The following RSPH14 variants were observed in gnomAD, a reference collection of about 807,000 sequenced individuals.
RSPH14 encodes radial spoke head 14 homolog.
Under a neutral mutation model 26.7 loss-of-function variants are expected in RSPH14, and 20 were observed. The ratio of observed to expected loss-of-function variants is 0.75; its 90% CI spans 0.53 to 1.09. RSPH14 has a LOEUF of 1.09. Among genes scored for constraint, RSPH14 ranks in the 50% least tolerant of loss-of-function variants. RSPH14 has a pLI of 0.00. For synonymous variants in RSPH14, 177 were observed against 189.3 expected (o/e 0.93, Z 0.53); for missense variants, 449 against 457.2 (o/e 0.98, Z 0.16).
At chr22:23,098,826 G>T (rs902299633) in intron 4 of RSPH14, among the ~76,000 whole-genome samples, 3 of 152,366 alleles carry the variant, frequency 2.0e-5, no homozygotes, top group Admixed American at 6.5e-5. Context: ...GGCCCCCAGA[G>T]TGGTGCCGGC....
chr22:23,149,253 T>C (rs1303476451), upstream of RSPH14, among the ~76,000 whole-genome samples: 1 of 152,138 alleles, frequency 6.6e-6, no homozygotes, highest in African/African-American at 2.4e-5. Flanking sequence ...ACAGCCTCAA[T>C]GGTGTCCTTC....
At chr22:23,172,212 C>T in the RSPH14 span, among the ~76,000 whole-genome samples, 28 of 152,084 alleles carry the variant, frequency 1.8e-4, no homozygotes, top group Non-Finnish European at 3.2e-4. Context: ...TTTCAGACAG[C>T]GTCTGGTTCT....
intron 4 of RSPH14, among the ~76,000 whole-genome samples, chr22:23,118,738 A>G (rs917028858): frequency 6.6e-6 from 1 of 152,198 alleles, no homozygotes; most frequent in African/African-American, 2.4e-5. Context: ...CAAGGGGGTG[A>G]TGCACTACCA....
At chr22:23,133,579 T>C (rs2146437863) in intron 4 of RSPH14, among the ~76,000 whole-genome samples, 1 of 152,228 alleles carries the variant, frequency 6.6e-6, no homozygotes, top group East Asian at 1.9e-4. Context: ...GATATGCGCT[T>C]TTCTTTTTTC....
chr22:23,175,862 G>A, the RSPH14 span, among the ~76,000 whole-genome samples: 194 of 152,348 alleles, frequency 1.3e-3, 1 homozygote, highest in Middle Eastern at 3.4e-3. Context: ...TGAGGGAACA[G>A]CAGCTATCAG....
intron 4 of RSPH14, among the ~76,000 whole-genome samples, chr22:23,109,929 C>T (rs57656066): frequency 0.018 from 2,696 of 152,298 alleles, 81 homozygotes; most frequent in African/African-American, 0.06. Context: ...GTGCTGTCCC[C>T]GCAGACTGGC....
the RSPH14 span, chr22:23,153,258 G>C: frequency 1.0e-4 from 75 of 751,054 alleles, no homozygotes; most frequent in African/African-American, 1.3e-3. Flanking sequence ...GAGCCTGGGG[G>C]TGTTGTGTGA....
At chr22:23,095,757 G>T in intron 4 of RSPH14, 1 of 1,612,712 alleles carries the variant, frequency 6.2e-7, no homozygotes, top group Non-Finnish European at 8.5e-7. Context: ...AGAATTGACC[G>T]CCACCTGCGC....
chr22:23,135,823 G>A (rs945169845), intron 3 of RSPH14, among the ~76,000 whole-genome samples: 2 of 151,982 alleles, frequency 1.3e-5, no homozygotes, highest in Non-Finnish European at 2.9e-5. Context: ...TTAACCAACT[G>A]ACTGCTGGGC....
intron 4 of RSPH14, chr22:23,095,691 A>G (rs2069103763): frequency 6.3e-7 from 1 of 1,598,882 alleles, no homozygotes; most frequent in South Asian, 1.1e-5. Context: ...CGCTGCTGCC[A>G]GACCATGGGA....
intron 4 of RSPH14, among the ~76,000 whole-genome samples, chr22:23,108,187 C>A (rs1014175076): frequency 6.6e-6 from 1 of 152,248 alleles, no homozygotes; most frequent in African/African-American, 2.4e-5. Context: ...GCTGCCACAC[C>A]AAACGCCTGC....
Position 23,130,515 on chromosome 22 carries a change from A to AGAAAGAAAGAAAGAAAGAAAGAAC in RSPH14, c.421+3510_421+3511insGTTCTTTCTTTCTTTCTTTCTTTC, listed in dbSNP as rs1569193204. On this transcript the variant is annotated intron_variant, in intron 4 of 6. Transcript: ENST00000216036. ...GAAAGAAAAAGAAAGAAAGAAAGAA[A>AGAAAGAAAGAAAGAAAGAAAGAAC]GAAAGAAAGAAAGAAAGAGAAAGAA... is the stretch of plus-strand genomic sequence containing the variant. Among the ~76,000 whole-genome samples, 5 of 151,488 alleles carry AGAAAGAAAGAAAGAAAGAAAGAAC rather than the reference A, an allele frequency of 3.3e-5. No homozygotes were observed. The East Asian group carries it at 9.7e-4, about 29-fold the overall frequency.
chr22:23,076,900 G>C (rs2068519906), intron 4 of RSPH14, among the ~76,000 whole-genome samples: 1 of 152,238 alleles, frequency 6.6e-6, no homozygotes, highest in African/African-American at 2.4e-5. Context: ...AGCTCTGCCT[G>C]TGATGGTGAC....
intron 4 of RSPH14, among the ~76,000 whole-genome samples, chr22:23,130,101 AAGAAAGAAAGAAAGAAAGAAAG>A (rs1569192628): frequency 1.3e-5 from 1 of 77,170 alleles, no homozygotes; most frequent in African/African-American, 4.5e-5. Context: ...GAAAGAAAGA[AAGAAAGAAAGAAAGAAAGAAAG>A]AAAGAAAGAA....
At chr22:23,150,132 C>T in the RSPH14 span, 18 of 1,612,124 alleles carry the variant, frequency 1.1e-5, no homozygotes, top group East Asian at 4.5e-5. Flanking sequence ...TGCCTGCCAA[C>T]GCAGGAACAC....
chr22:23,158,785 T>G, the RSPH14 span: 1 of 930,616 alleles, frequency 1.1e-6, no homozygotes, highest in Admixed American at 2.0e-5. Context: ...GAAGCCCTCC[T>G]TGTCCCTCCC....
intron 5 of RSPH14, among the ~76,000 whole-genome samples, chr22:23,062,405 C>T (rs185049241): frequency 2.6e-5 from 4 of 152,288 alleles, no homozygotes; most frequent in East Asian, 3.9e-4. Context: ...CTTACTCTGG[C>T]ACTGAATGAA....
upstream of RSPH14, chr22:23,149,959 C>T (rs2071007254): frequency 2.3e-6 from 2 of 877,330 alleles, no homozygotes; most frequent in African/African-American, 1.7e-5. Context: ...AGCTGTGAGG[C>T]CTAGGAAGGA....
At chr22:23,177,919 C>T in the RSPH14 span, among the ~76,000 whole-genome samples, 2 of 152,166 alleles carry the variant, frequency 1.3e-5, no homozygotes, top group Non-Finnish European at 2.9e-5. Flanking sequence ...CCCACCCCAG[C>T]CTCCTGAGCA....
Sources: gnomAD v4.1 joint callset for allele counts (sites outside exome capture counted in the v4.1 genomes callset) on GRCh38, gnomAD v4.1.1 for gene constraint, MANE v1.5 for transcripts, NCBI Gene and HGNC (gene_info 2026-07-23, HGNC 2026-07-21) for gene names.